Variants in BCL2L13 observed in about 807,000 individuals in gnomAD.
The protein encoded by BCL2L13 is bcl-2-like protein 13.
Under a neutral mutation model 25.8 loss-of-function variants are expected in BCL2L13, and 13 were observed. The observed-to-expected ratio is 0.50, with a 90% CI of 0.33 to 0.80. BCL2L13 has a LOEUF of 0.80. BCL2L13 is among the 30% of genes least tolerant of loss of function. BCL2L13 has a pLI of 0.02. For synonymous variants in BCL2L13, 244 were observed against 230.3 expected (o/e 1.06, Z -0.54); for missense variants, 504 against 574.9 (o/e 0.88, Z 1.26).
At chr22:17,705,926 T>TCCCC in intron 6 of BCL2L13, among the ~76,000 whole-genome samples, 1 of 152,344 alleles carries the variant, frequency 6.6e-6, no homozygotes, top group Non-Finnish European at 1.5e-5. Flanking sequence ...AATGGAGTGA[T>TCCCC]ATAGCACATA....
rs1361346141 is a variant in BCL2L13 at position 17,726,800 on chromosome 22, A to T, written c.724A>T (p.Thr242Ser). The T allele has an allele frequency of 1.2e-6, 2 of 1,614,190 alleles. No homozygotes were observed. The highest frequency in any genetic ancestry group is 1.7e-6 in the Non-Finnish European group (2 of 1,180,040). Residue 242 changes from threonine to serine, a missense_variant, in exon 7 of 7, where the codon ACT (threonine) becomes TCT (serine). Physicochemically the swap from Thr to Ser is moderately conservative, Grantham distance 58 (BLOSUM62 1). Coordinates refer to ENST00000317582, the MANE Select transcript of BCL2L13 (RefSeq NM_015367.4). ...ACAAGTCAGTCCCCCAGAGTCTCCAACTGTGACCACTTCCTGGCAGTCTGA... is the reference window on the plus strand; with the variant it reads ...ACAAGTCAGTCCCCCAGAGTCTCCATCTGTGACCACTTCCTGGCAGTCTGA... ...SGQVSPPESP[T>S]VTTSWQSESL...
intron 2 of BCL2L13, among the ~76,000 whole-genome samples, chr22:17,659,509 A>C (rs564299527): frequency 7.0e-6 from 1 of 143,884 alleles, no homozygotes; most frequent in African/African-American, 2.5e-5. Context: ...AAAATACAAA[A>C]TATTAGCTGG....
intron 2 of BCL2L13, among the ~76,000 whole-genome samples, chr22:17,667,682 T>A (rs904300106): frequency 1.3e-5 from 2 of 150,674 alleles, no homozygotes; most frequent in African/African-American, 4.9e-5. Context: ...CTAATTTTTG[T>A]ATTTTTAGTA....
chr22:17,717,488 C>T (rs1395166253), intron 6 of BCL2L13, among the ~76,000 whole-genome samples: 1 of 152,042 alleles, frequency 6.6e-6, no homozygotes, highest in East Asian at 1.9e-4. Context: ...TGGGGTCTTA[C>T]CATCTTACCC....
chr22:17,716,049 G>A (rs975537048), intron 6 of BCL2L13, among the ~76,000 whole-genome samples: 1 of 152,176 alleles, frequency 6.6e-6, no homozygotes, highest in African/African-American at 2.4e-5. Flanking sequence ...TTTCTCCCTT[G>A]AAGCATTTAT....
At chr22:17,644,602 TTATAGG>T (rs1303435050) in intron 1 of BCL2L13, among the ~76,000 whole-genome samples, 2 of 151,236 alleles carry the variant, frequency 1.3e-5, no homozygotes, top group Non-Finnish European at 2.9e-5. Flanking sequence ...AGTGCTGGGA[TTATAGG>T]TATGAGCCAC....
At chr22:17,707,808 C>T (rs532873597) in intron 6 of BCL2L13, among the ~76,000 whole-genome samples, 1 of 152,196 alleles carries the variant, frequency 6.6e-6, no homozygotes, top group Non-Finnish European at 1.5e-5. Flanking sequence ...GAGCTCAGCT[C>T]AGCAGCAGCT....
At chr22:17,715,153 TA>T (rs1756038210) in intron 6 of BCL2L13, among the ~76,000 whole-genome samples, 1 of 5,428 alleles carries the variant, frequency 1.8e-4, no homozygotes, top group African/African-American at 6.8e-4. Flanking sequence ...TATATATATA[TA>T]TATATATATA....
At position 17,683,242 on chromosome 22, in the gene BCL2L13, T is replaced by G; in HGVS notation, c.150T>G (p.Ser50=). The G allele has an allele frequency of 6.3e-7, 1 of 1,589,472 alleles. No homozygotes were observed. ...QGVQLDIASQ[S]LDQEILLKVK... is the part of the protein sequence containing the mutation. ...TTCAACTAGATATAGCTTCACAATC[T>G]CTGGATCAAGAAATTTTATTAAAAG... Residue 50 remains serine, a synonymous_variant, in exon 3 of 7, where the codon TCT becomes TCG. Transcript: ENST00000317582.
chr22:17,727,820 T>C lies in BCL2L13; in HGVS notation c.*286T>C, dbSNP rs935775221. 8.8e-6 allele frequency: 4 copies of C among 454,234 alleles called. No homozygotes were observed. The highest frequency in any genetic ancestry group is 7.8e-5 in the African/African-American group (4 of 51,198). The allele number at this position is 454,234 out of a possible 1,614,324, so 28.1% of individuals were successfully genotyped here. On this transcript the variant is annotated 3_prime_UTR_variant, in exon 7 of 7. Coordinates refer to ENST00000317582, the MANE Select transcript of BCL2L13 (RefSeq NM_015367.4). ...CTCAGCCTTGGCACTAGTGCTGTTC[T>C]GACCATTCTCTGTGTTGGGGCTGTC... is the stretch of plus-strand genomic sequence containing the variant.
chr22:17,639,856 CT>C (rs113964087), intron 1 of BCL2L13, among the ~76,000 whole-genome samples: 8,981 of 140,730 alleles, frequency 0.064, 398 homozygotes, highest in African/African-American at 0.14. Flanking sequence ...TACCTTCTTT[CT>C]TTTTTTTTTT....
chr22:17,640,098 C>G (rs1327604000), intron 1 of BCL2L13, among the ~76,000 whole-genome samples: 3 of 152,204 alleles, frequency 2.0e-5, no homozygotes, highest in Non-Finnish European at 4.4e-5. Flanking sequence ...TGGTCATCCC[C>G]CCGCCTCAGC....
At chr22:17,659,139 G>A (rs1369836683) in intron 2 of BCL2L13, among the ~76,000 whole-genome samples, 1 of 145,080 alleles carries the variant, frequency 6.9e-6, no homozygotes, top group Non-Finnish European at 1.6e-5. Flanking sequence ...GCCAAGGTGG[G>A]TGGATCATGA....
chr22:17,688,373 ACT>A (rs1171772094), intron 3 of BCL2L13, among the ~76,000 whole-genome samples: 1 of 152,188 alleles, frequency 6.6e-6, no homozygotes, highest in African/African-American at 2.4e-5. Context: ...AAAGCAATGG[ACT>A]CATCCTCTGA....
At chr22:17,720,442 C>T (rs923543400) in intron 6 of BCL2L13, among the ~76,000 whole-genome samples, 2 of 152,070 alleles carry the variant, frequency 1.3e-5, no homozygotes, top group African/African-American at 4.8e-5. Context: ...CCACAACCTC[C>T]ACCTCCCAGG....
At chr22:17,655,898 GTATC>G in intron 2 of BCL2L13, 66 bp downstream of exon 2, 1 of 1,426,394 alleles carries the variant, frequency 7.0e-7, no homozygotes, top group East Asian at 2.5e-5. Flanking sequence ...AAAAGTATAT[GTATC>G]TAATTTATAT....
intron 1 of BCL2L13, among the ~76,000 whole-genome samples, chr22:17,646,541 G>A (rs544728263): frequency 1.0e-4 from 15 of 150,692 alleles, no homozygotes; most frequent in Middle Eastern, 3.4e-3. Context: ...GAGCCACTGC[G>A]CCTGGCCAAG....
chr22:17,681,456 G>T (rs529324497), intron 2 of BCL2L13, among the ~76,000 whole-genome samples: 1 of 151,212 alleles, frequency 6.6e-6, no homozygotes, highest in Non-Finnish European at 1.5e-5. Flanking sequence ...CAGAGCTTGC[G>T]CCACTGTACT....
At chr22:17,715,562 T>G (rs1407659937) in intron 6 of BCL2L13, among the ~76,000 whole-genome samples, 4 of 152,070 alleles carry the variant, frequency 2.6e-5, no homozygotes, top group African/African-American at 4.8e-5. Flanking sequence ...GGGAAGAGTC[T>G]GGCTGAGAAA....
Sources: allele counts gnomAD v4.1 joint callset (sites outside exome capture counted in the v4.1 genomes callset), GRCh38; gene constraint gnomAD v4.1.1; transcripts MANE v1.5; gene names NCBI Gene and HGNC (gene_info 2026-07-23, HGNC 2026-07-21).